TUBB6: variants seen among roughly 807,000 people sequenced by gnomAD.
TUBB6 encodes tubulin beta-6 chain.
A neutral mutation model predicts 32.3 loss-of-function variants in TUBB6; 18 were observed. That is an observed-to-expected ratio of 0.56 (90% CI 0.39 to 0.83). The LOEUF (loss-of-function observed/expected upper bound fraction) is 0.83, where lower values mean the gene tolerates loss of function less well. Ranked by LOEUF, TUBB6 falls within the 40% of genes least tolerant of loss-of-function variation. TUBB6 has a pLI of 0.00. For synonymous variants in TUBB6, 280 were observed against 265.8 expected (o/e 1.05, Z -0.52); for missense variants, 480 against 632.0 (o/e 0.76, Z 2.58).
At chr18:12,313,150 A>ACAT (rs1373326711) in intron 3 of TUBB6, among the ~76,000 whole-genome samples, 1 of 51,922 alleles carries the variant, frequency 1.9e-5, no homozygotes, top group Non-Finnish European at 7.0e-5. Context: ...CCCTGGTGAA[A>ACAT]CAGAAGCATT....
chr18:12,326,323 AC>A lies in TUBB6; in HGVS notation c.*196del. The A allele has an allele frequency of 2.4e-6, 2 of 838,476 alleles. No homozygotes were observed. The highest frequency in any genetic ancestry group is 2.0e-5 in the South Asian group (1 of 50,314). 51.9% of individuals were successfully genotyped at this position (838,476 alleles called of 1,614,324 possible). A position where few individuals can be genotyped will look rare whatever the true frequency, so the allele number is the denominator to read the frequency against. ...AAAACAGCAGAGAATTGCGGGTTCT[AC>A]CCAGTCAGAAGATCACACCATGGAG... On this transcript the variant is annotated 3_prime_UTR_variant, in exon 4 of 4. Coordinates refer to ENST00000317702, the MANE Select transcript of TUBB6 (RefSeq NM_032525.3).
chr18:12,325,225 G>C lies in TUBB6; in HGVS notation c.436G>C (p.Gly146Arg), dbSNP rs1482439111. ...THSLGGGTGS[G>R]MGTLLISKIR... ...CTCGCTGGGCGGCGGCACGGGCTCA[G>C]GCATGGGCACGCTGCTCATCAGCAA... The change falls in exon 4 of 4, where the codon GGC becomes CGC. Residue 146 changes from glycine (G) to arginine (R), a missense_variant. By Grantham distance (125) the Gly-to-Arg change is moderately radical. Transcript: ENST00000317702. The C allele has an allele frequency of 4.3e-6, 7 of 1,614,184 alleles. No individual in the cohort carries two copies. The highest frequency in any genetic ancestry group is 8.5e-7 in the Non-Finnish European group (1 of 1,180,028).
At chr18:12,315,577 C>T (rs1906626499) in intron 3 of TUBB6, among the ~76,000 whole-genome samples, 1 of 152,206 alleles carries the variant, frequency 6.6e-6, no homozygotes, top group South Asian at 2.1e-4. Flanking sequence ...GTAAGAACAG[C>T]TCTGAATTTG....
chr18:12,328,136 G>C (rs1469044197), downstream of TUBB6, among the ~76,000 whole-genome samples: 2 of 152,256 alleles, frequency 1.3e-5, no homozygotes, highest in African/African-American at 4.8e-5. Context: ...CCAAACAGCT[G>C]CTTCCACGGC....
intron 3 of TUBB6, 80 bp from the exon 4 acceptor site, chr18:12,324,987 C>T: frequency 6.6e-7 from 1 of 1,519,374 alleles, no homozygotes. Flanking sequence ...AATCACTTCA[C>T]ACCCTCCTTG....
At chr18:12,314,349 G>C (rs1451349203) in intron 3 of TUBB6, among the ~76,000 whole-genome samples, 7 of 151,962 alleles carry the variant, frequency 4.6e-5, no homozygotes, top group Non-Finnish European at 8.8e-5. Context: ...GAGGTTCAGT[G>C]GATTTTTGGT....
Position 12,326,018 on chromosome 18 carries a change from A to G in TUBB6, c.1229A>G (p.Glu410Gly). ...GGCATGGATGAAATGGAGTTCACCG[A>G]GGCGGAGAGCAACATGAACGACCTG... ...GEGMDEMEFT[E>G]AESNMNDLVS... is the part of the protein sequence containing the mutation. The change falls in exon 4 of 4, where the codon GAG becomes GGG. Residue 410 changes from glutamate (E) to glycine (G), a missense_variant. By Grantham distance (98) the Glu-to-Gly change is moderately conservative. Transcript: ENST00000317702. 7 of 1,614,148 alleles carry G rather than the reference A, an allele frequency of 4.3e-6. No individual in the cohort carries two copies. Among genetic ancestry groups the G allele is most frequent in the Non-Finnish European group, 5.9e-6 (7 of 1,180,038 alleles).
rs745437289 is a variant in TUBB6 at position 12,326,167 on chromosome 18, C to T, written c.*37C>T. 6.3e-7 allele frequency: 1 copy of T among 1,580,946 alleles called. No homozygotes were observed. Among genetic ancestry groups the T allele is most frequent in the Non-Finnish European group, 8.6e-7 (1 of 1,162,658 alleles). On this transcript the variant is annotated 3_prime_UTR_variant, in exon 4 of 4. Transcript: ENST00000317702. ...CCGCCCCAACTCAGATCCTACAACA[C>T]GCAAGTTCCTTCTTGAACCCTGGTG...
downstream of TUBB6, chr18:12,329,722 C>T: frequency 6.2e-7 from 1 of 1,614,178 alleles, no homozygotes; most frequent in East Asian, 2.2e-5. Flanking sequence ...TGGTCTGGGG[C>T]CCAAAAGTTC....
At chr18:12,314,763 A>G (rs971697660) in intron 3 of TUBB6, among the ~76,000 whole-genome samples, 2 of 152,238 alleles carry the variant, frequency 1.3e-5, no homozygotes, top group South Asian at 4.1e-4. Flanking sequence ...CTGTGAGCTC[A>G]GCTGTGGCTG....
chr18:12,313,754 G>A (rs1225913678), intron 3 of TUBB6, among the ~76,000 whole-genome samples: 1 of 152,208 alleles, frequency 6.6e-6, no homozygotes, highest in Non-Finnish European at 1.5e-5. Flanking sequence ...TTAGTAGATT[G>A]AGCAAATCAA....
At chr18:12,327,838 C>G (rs947050922), downstream of TUBB6, among the ~76,000 whole-genome samples, 2 of 152,210 alleles carry the variant, frequency 1.3e-5, no homozygotes, top group Non-Finnish European at 2.9e-5. Context: ...TCTCGTCCCC[C>G]GGGAGGTCTC....
chr18:12,307,808 G>C (rs930691499), upstream of TUBB6: 2 of 152,262 alleles, frequency 1.3e-5, no homozygotes, highest in Non-Finnish European at 2.9e-5. Flanking sequence ...GGGGCAGGGG[G>C]CAGAGACCCT....
chr18:12,308,531 A>G (rs1232212950), intron 1 of TUBB6, 156 bp from the exon 2 acceptor site: 8 of 721,804 alleles, frequency 1.1e-5, no homozygotes, highest in Non-Finnish European at 1.8e-5. Flanking sequence ...GGGACCTTCT[A>G]CTCTTCGCTC....
chr18:12,311,271 A>G, intron 3 of TUBB6: 1 of 407,224 alleles, frequency 2.5e-6, no homozygotes, highest in Non-Finnish European at 4.4e-6. Context: ...ATATCTCTAA[A>G]TGAAATTCTT....
rs1467354712 is a variant in TUBB6, at chr18:12,326,407, C to G, written c.*277C>G. Reference sequence around the variant, plus strand: ...GGGGCCACAAAATAAACTTCACCTTCCATTAAGTGTTCAAGCATGTCTGCA... The same window carrying G: ...GGGGCCACAAAATAAACTTCACCTTGCATTAAGTGTTCAAGCATGTCTGCA... On this transcript the variant is annotated 3_prime_UTR_variant, in exon 4 of 4. Transcript: ENST00000317702. 1.6e-5 allele frequency: 7 copies of G among 432,260 alleles called. No homozygotes were observed. The highest frequency in any genetic ancestry group is 2.9e-5 in the Non-Finnish European group (7 of 243,952). The allele number at this position is 432,260 out of a possible 1,614,324, so 26.8% of individuals were successfully genotyped here.
intron 3 of TUBB6, among the ~76,000 whole-genome samples, chr18:12,323,977 G>A (rs1904558574): frequency 6.6e-6 from 1 of 152,112 alleles, no homozygotes; most frequent in Non-Finnish European, 1.5e-5. Context: ...TTAATTATAG[G>A]GGCAGAATAA....
chr18:12,321,941 A>G (rs542229796), intron 3 of TUBB6, among the ~76,000 whole-genome samples: 4 of 152,314 alleles, frequency 2.6e-5, no homozygotes, highest in Middle Eastern at 6.8e-3. Context: ...AGAAACAAGA[A>G]AAGAATGACT....
Position 12,310,978 on chromosome 18 carries a change from T to C in TUBB6, c.202T>C (p.Leu68=). The C allele has an allele frequency of 1.2e-6, 2 of 1,613,734 alleles. No homozygotes were observed. Among genetic ancestry groups the C allele is most frequent in the Non-Finnish European group, 1.7e-6 (2 of 1,179,794 alleles). Residue 68 remains leucine (L), a synonymous_variant, in exon 3 of 4, where the codon TTA becomes CTA. Transcript: ENST00000317702. ...KYVPRAALVD[L]EPGTMDSVRS... ...TGTGCCCAGGGCCGCCCTGGTGGAC[T>C]TAGAGCCAGGCACCATGGACAGCGT...
Sources: allele counts gnomAD v4.1 joint callset (sites outside exome capture counted in the v4.1 genomes callset), GRCh38; gene constraint gnomAD v4.1.1; transcripts MANE v1.5; gene names NCBI Gene and HGNC (gene_info 2026-07-23, HGNC 2026-07-21).